The following SPP2 variants were observed in gnomAD, a reference collection of about 807,000 sequenced individuals.
SPP2 encodes the protein secreted phosphoprotein 24.
Under a neutral mutation model 28.8 loss-of-function variants are expected in SPP2, and 34 were observed. That is an observed-to-expected ratio of 1.18 (90% CI 0.90 to 1.57). SPP2 has a LOEUF of 1.57. Among genes scored for constraint, SPP2 ranks in the 40% most tolerant of loss-of-function variants. The probability of loss-of-function intolerance (pLI) is 0.00; values close to 1 mark genes in which losing one functional copy is unlikely to be tolerated. For synonymous variants in SPP2, 96 were observed against 89.4 expected, an observed-to-expected ratio of 1.07 and a Z score of -0.42; for missense variants, 269 against 263.9, an observed-to-expected ratio of 1.02 and a Z score of -0.13.
At chr2:234,073,208 T>C (rs1690831774) in intron 7 of SPP2, among the ~76,000 whole-genome samples, 2 of 152,226 alleles carry the variant, frequency 1.3e-5, no homozygotes, top group Non-Finnish European at 2.9e-5. Context: ...TTCTTGAGGA[T>C]GCATTCTCCT....
chr2:234,069,449 T>G (rs943841166), intron 6 of SPP2, among the ~76,000 whole-genome samples: 2 of 152,216 alleles, frequency 1.3e-5, no homozygotes, highest in Admixed American at 6.5e-5. Context: ...TAAATTAATG[T>G]GACCAATTCT....
intron 7 of SPP2, among the ~76,000 whole-genome samples, chr2:234,071,872 C>T (rs756512410): frequency 3.3e-5 from 5 of 152,210 alleles, no homozygotes; most frequent in African/African-American, 4.8e-5. Context: ...TGGAGGTCTA[C>T]GTTGACACCA....
At chr2:234,063,711 T>C (rs1378880387) in intron 4 of SPP2, among the ~76,000 whole-genome samples, 1 of 152,148 alleles carries the variant, frequency 6.6e-6, no homozygotes, top group Non-Finnish European at 1.5e-5. Flanking sequence ...GATGCTGAAA[T>C]GGTACAATGT....
At chr2:234,069,104 G>C (rs1479667549) in intron 6 of SPP2, among the ~76,000 whole-genome samples, 2 of 152,078 alleles carry the variant, frequency 1.3e-5, no homozygotes, top group Non-Finnish European at 2.9e-5. Flanking sequence ...AAGGGCTTCA[G>C]TTTCTTACCA....
chr2:234,061,768 A>T (rs9636245), intron 4 of SPP2, among the ~76,000 whole-genome samples: 1 of 152,120 alleles, frequency 6.6e-6, no homozygotes, highest in South Asian at 2.1e-4. Flanking sequence ...AAGAGAACTT[A>T]ACACAGTTTA....
chr2:234,066,424 G>T (rs1182307022), intron 4 of SPP2, 109 bp from the exon 5 acceptor site: 2 of 850,714 alleles, frequency 2.4e-6, no homozygotes, highest in Non-Finnish European at 3.9e-6. Flanking sequence ...ATTAAAAATG[G>T]ATTATATAAC....
chr2:234,051,902 T>C lies in SPP2; in HGVS notation c.210+807T>C, dbSNP rs371652474. Among the ~76,000 whole-genome samples, 107 of 152,308 alleles carry C rather than the reference T, an allele frequency of 7.0e-4. 5 individuals carry two copies. The South Asian group carries it at 0.02, about 29-fold the overall frequency. On this transcript the variant is annotated intron_variant, in intron 2 of 7. Transcript: ENST00000168148. ...GGCCAGATGGACATTGCTTTCTCTC[T>C]GTCTGCCTGCTGCCTTCTCCCATCC...
chr2:234,064,188 C>G (rs973604799), intron 4 of SPP2, among the ~76,000 whole-genome samples: 1 of 150,676 alleles, frequency 6.6e-6, no homozygotes, highest in African/African-American at 2.4e-5. Context: ...TTTCCTCCTC[C>G]CTCTCCCTCT....
intron 7 of SPP2, among the ~76,000 whole-genome samples, chr2:234,070,921 C>A (rs879606948): frequency 6.6e-6 from 1 of 152,180 alleles, no homozygotes; most frequent in Non-Finnish European, 1.5e-5. Context: ...CACTCTATGT[C>A]TGGATCCAGG....
At chr2:234,070,882 A>C (rs1169052103) in intron 7 of SPP2, among the ~76,000 whole-genome samples, 1 of 152,078 alleles carries the variant, frequency 6.6e-6, no homozygotes, top group Non-Finnish European at 1.5e-5. Context: ...AATGATGCAT[A>C]ATTATTTCCA....
chr2:234,074,464 C>A (rs193154154), intron 7 of SPP2, among the ~76,000 whole-genome samples: 39 of 152,256 alleles, frequency 2.6e-4, no homozygotes, highest in Non-Finnish European at 5.0e-4. Context: ...TGACAGCCCC[C>A]CTACTGAAGA....
chr2:234,069,850 A>T (rs1693898533), intron 6 of SPP2, 78 bp from the exon 7 acceptor site: 1 of 1,159,470 alleles, frequency 8.6e-7, no homozygotes, highest in Non-Finnish European at 1.3e-6. Flanking sequence ...CTCCTCATTA[A>T]TTTGTAGTAA....
intron 7 of SPP2, 116 bp downstream of exon 7, chr2:234,070,139 C>A: frequency 1.3e-6 from 1 of 765,834 alleles, no homozygotes; most frequent in East Asian, 3.0e-5. Context: ...CCTTGCTTTT[C>A]GGCTTCTCTG....
intron 7 of SPP2, among the ~76,000 whole-genome samples, chr2:234,072,747 G>A (rs1009558836): frequency 2.0e-5 from 3 of 152,154 alleles, no homozygotes; most frequent in Admixed American, 6.5e-5. Context: ...AGGTCAATCC[G>A]ATGGGATCTG....
At chr2:234,059,304 A>G (rs143122244) in intron 3 of SPP2, among the ~76,000 whole-genome samples, 9 of 152,050 alleles carry the variant, frequency 5.9e-5, no homozygotes, top group African/African-American at 2.2e-4. Context: ...TGAAACACTG[A>G]CTCTTCCTGG....
chr2:234,050,829 T>C lies in SPP2; in HGVS notation c.43T>C (p.Leu15=). ...MEKMTMMMKI[L]IMFALGMNYW... ...GAAGATGACGATGATGATGAAGATATTGATTATGTTTGCTCTTGGAATGAA... is the reference window on the plus strand; with the variant it reads ...GAAGATGACGATGATGATGAAGATACTGATTATGTTTGCTCTTGGAATGAA... The change falls in exon 1 of 8, where the codon TTG becomes CTG. Residue 15 remains leucine, a synonymous_variant. Coordinates refer to ENST00000168148, the MANE Select transcript of SPP2 (RefSeq NM_006944.3). 1 of 1,614,058 alleles carries C rather than the reference T, an allele frequency of 6.2e-7. No individual in the cohort carries two copies. The highest frequency in any genetic ancestry group is 8.5e-7 in the Non-Finnish European group (1 of 1,179,938).
chr2:234,059,457 C>T (rs1013080501), intron 3 of SPP2, among the ~76,000 whole-genome samples: 1 of 152,258 alleles, frequency 6.6e-6, no homozygotes, highest in Non-Finnish European at 1.5e-5. Context: ...CCGTGGTAAG[C>T]AGGACCATGA....
intron 7 of SPP2, among the ~76,000 whole-genome samples, chr2:234,070,853 T>C (rs991938512): frequency 2.7e-4 from 41 of 152,212 alleles, no homozygotes; most frequent in African/African-American, 9.6e-4. Context: ...TCTCTTCTTC[T>C]TGCTTGACTT....
chr2:234,062,650 A>G (rs1310993659), intron 4 of SPP2, among the ~76,000 whole-genome samples: 2 of 152,212 alleles, frequency 1.3e-5, no homozygotes, highest in Non-Finnish European at 2.9e-5. Flanking sequence ...TAAATATGAA[A>G]TAAATAAGAG....
Sources: gnomAD v4.1 joint callset for allele counts (sites outside exome capture counted in the v4.1 genomes callset) on GRCh38, gnomAD v4.1.1 for gene constraint, MANE v1.5 for transcripts, NCBI Gene and HGNC (gene_info 2026-07-23, HGNC 2026-07-21) for gene names.